OR1J2: variants seen among roughly 807,000 people sequenced by gnomAD.
OR1J2 encodes olfactory receptor 1J2.
For missense variants in OR1J2, 304 were observed against 246.1 expected (o/e 1.24, Z -1.57); for synonymous variants, 142 against 99.7 (o/e 1.42, Z -2.52).
the OR1J2 span, among the ~76,000 whole-genome samples, chr9:122,538,258 T>A: frequency 6.6e-6 from 1 of 152,038 alleles, no homozygotes; most frequent in Non-Finnish European, 1.5e-5. Context: ...CCTGCCTGAC[T>A]GGGTTTCTTC....
chr9:122,510,651 C>T (rs753020175), upstream of OR1J2: 16 of 541,636 alleles, frequency 3.0e-5, no homozygotes, highest in Admixed American at 9.6e-5. Flanking sequence ...CTCTTCCTCC[C>T]CACAGACCCC....
the OR1J2 span, among the ~76,000 whole-genome samples, chr9:122,578,983 A>T: frequency 3.1e-5 from 1 of 32,064 alleles, no homozygotes; most frequent in Non-Finnish European, 7.7e-5. Flanking sequence ...AGAAATTACC[A>T]CTAAACTTAT....
At chr9:122,575,626 T>A in the OR1J2 span, among the ~76,000 whole-genome samples, 1 of 152,172 alleles carries the variant, frequency 6.6e-6, no homozygotes, top group Non-Finnish European at 1.5e-5. Context: ...TATCAATTTT[T>A]AAAAACTAAA....
the OR1J2 span, among the ~76,000 whole-genome samples, chr9:122,469,328 T>A: frequency 6.6e-6 from 1 of 152,210 alleles, no homozygotes; most frequent in South Asian, 2.1e-4. Context: ...GTTCTCATGG[T>A]AGTGAGTAAG....
chr9:122,579,201 A>T, the OR1J2 span, among the ~76,000 whole-genome samples: 26 of 152,034 alleles, frequency 1.7e-4, no homozygotes, highest in African/African-American at 5.8e-4. Flanking sequence ...GTGTGGACTA[A>T]TTATTTGATA....
the OR1J2 span, among the ~76,000 whole-genome samples, chr9:122,545,258 G>A: frequency 6.6e-6 from 1 of 151,912 alleles, no homozygotes; most frequent in Admixed American, 6.6e-5. Flanking sequence ...GTTTATGTTG[G>A]TGAGTTGACC....
the OR1J2 span, among the ~76,000 whole-genome samples, chr9:122,548,444 C>T: frequency 1.3e-5 from 2 of 152,050 alleles, no homozygotes; most frequent in African/African-American, 4.8e-5. Context: ...AGAAAACAGG[C>T]CAGAGCAATC....
the OR1J2 span, among the ~76,000 whole-genome samples, chr9:122,518,707 T>C: frequency 5.9e-5 from 9 of 152,260 alleles, no homozygotes; most frequent in Non-Finnish European, 8.8e-5. Flanking sequence ...ATATGTGTTA[T>C]GGAAACTTCA....
At chr9:122,533,889 G>A in the OR1J2 span, among the ~76,000 whole-genome samples, 4 of 152,250 alleles carry the variant, frequency 2.6e-5, no homozygotes, top group South Asian at 2.1e-4. Context: ...ATCAGGCAGC[G>A]TCAGTGTTCA....
Position 122,511,169 on chromosome 9 carries a change from A to G in OR1J2, c.368A>G (p.Tyr123Cys). 2.8e-6 allele frequency: 2 copies of G among 718,142 alleles called. No homozygotes were observed. Among genetic ancestry groups the G allele is most frequent in the Non-Finnish European group, 5.1e-6 (2 of 393,216 alleles). The allele number at this position is 718,142 out of a possible 1,614,324, so 44.5% of individuals were successfully genotyped here. ...FLITSMAYDR[Y>C]VAICHPLHYT... The stretch of plus-strand genomic sequence containing the variant: ...ATTACATCAATGGCATATGACCGAT[A>G]TGTTGCCATATGTCACCCTCTCCAC... Residue 123 changes from tyrosine (Y) to cysteine (C), a missense_variant, in exon 1 of 1, where the codon TAT (tyrosine) becomes TGT (cysteine). Transcript: ENST00000335302.
At chr9:122,540,519 C>G in the OR1J2 span, among the ~76,000 whole-genome samples, 7 of 151,882 alleles carry the variant, frequency 4.6e-5, no homozygotes, top group African/African-American at 1.5e-4. Context: ...GTTACTGTAG[C>G]CTTGTAGTAT....
At chr9:122,548,589 T>TTA in the OR1J2 span, among the ~76,000 whole-genome samples, 30 of 151,276 alleles carry the variant, frequency 2.0e-4, no homozygotes, top group Admixed American at 9.2e-4. Flanking sequence ...TTTAAAATTT[T>TTA]TATATATATA....
At chr9:122,534,497 T>C in the OR1J2 span, among the ~76,000 whole-genome samples, 16 of 152,162 alleles carry the variant, frequency 1.1e-4, no homozygotes, top group African/African-American at 3.9e-4. Context: ...ACTATGCCTT[T>C]AGCTCCAGCC....
the OR1J2 span, among the ~76,000 whole-genome samples, chr9:122,460,194 C>CATATATATATAT: frequency 5.6e-4 from 4 of 7,100 alleles, no homozygotes; most frequent in African/African-American, 2.6e-3. Flanking sequence ...TATATATATA[C>CATATATATATAT]ACACACACAC....
chr9:122,495,516 G>A, the OR1J2 span, among the ~76,000 whole-genome samples: 2 of 151,928 alleles, frequency 1.3e-5, no homozygotes, highest in South Asian at 4.2e-4. Flanking sequence ...TTCTCTATGT[G>A]TGTCCTTGAT....
At chr9:122,560,909 C>T in the OR1J2 span, among the ~76,000 whole-genome samples, 2 of 152,084 alleles carry the variant, frequency 1.3e-5, no homozygotes, top group Admixed American at 6.6e-5. Context: ...TAGATAATAT[C>T]CTGAAGTGTG....
chr9:122,569,970 A>G, the OR1J2 span, among the ~76,000 whole-genome samples: 5 of 149,772 alleles, frequency 3.3e-5, no homozygotes, highest in African/African-American at 1.2e-4. Context: ...GAGAATGATG[A>G]TTTCCAATTT....
the OR1J2 span, chr9:122,568,482 T>G: frequency 6.5e-7 from 1 of 1,535,774 alleles, no homozygotes; most frequent in South Asian, 1.2e-5. Flanking sequence ...TTCCATTGAC[T>G]TGGGCTCAGT....
At chr9:122,580,121 C>CCTGTCAGCAATAATGTA in the OR1J2 span, among the ~76,000 whole-genome samples, 1 of 152,094 alleles carries the variant, frequency 6.6e-6, no homozygotes, top group African/African-American at 2.4e-5. Flanking sequence ...AAAGCAAATG[C>CCTGTCAGCAATAATGTA]CTGTCAGCAA....
Sources: allele counts gnomAD v4.1 joint callset (sites outside exome capture counted in the v4.1 genomes callset), GRCh38; gene constraint gnomAD v4.1.1; transcripts MANE v1.5; gene names NCBI Gene and HGNC (gene_info 2026-07-23, HGNC 2026-07-21).